Variants in HIVEP3 observed in about 807,000 individuals in gnomAD.
The protein encoded by HIVEP3 is transcription factor HIVEP3.
Under a neutral mutation model 152.8 loss-of-function variants are expected in HIVEP3, and 49 were observed. The observed-to-expected ratio is 0.32, with a 90% CI of 0.26 to 0.41. The LOEUF (loss-of-function observed/expected upper bound fraction) is 0.41, where lower values mean the gene tolerates loss of function less well. Among genes scored for constraint, HIVEP3 ranks in the 10% least tolerant of loss-of-function variants. HIVEP3 has a pLI of 1.00. For missense variants in HIVEP3, 2,790 were observed against 3,103.3 expected, an observed-to-expected ratio of 0.90 and a Z score of 2.40; for synonymous variants, 1,269 against 1,289.0, an observed-to-expected ratio of 0.98 and a Z score of 0.33.
chr1:41,852,804 C>A (rs753591324), intron 1 of HIVEP3, among the ~76,000 whole-genome samples: 1 of 152,222 alleles, frequency 6.6e-6, no homozygotes, highest in African/African-American at 2.4e-5. Context: ...ACCTTAATGA[C>A]AAGTCTCATG....
At chr1:42,029,376 C>T (rs867887509) in intron 1 of HIVEP3, among the ~76,000 whole-genome samples, 27 of 152,174 alleles carry the variant, frequency 1.8e-4, no homozygotes, top group Admixed American at 9.8e-4. Context: ...AACAAAACCT[C>T]AGTATTACCT....
chr1:41,985,429 T>C (rs1645316622), intron 1 of HIVEP3, among the ~76,000 whole-genome samples: 1 of 152,186 alleles, frequency 6.6e-6, no homozygotes, highest in African/African-American at 2.4e-5. Flanking sequence ...AGATCCAGCA[T>C]CTGGTGAGGG....
At chr1:42,030,413 T>A (rs748947759) in intron 1 of HIVEP3, among the ~76,000 whole-genome samples, 1 of 152,130 alleles carries the variant, frequency 6.6e-6, no homozygotes, top group Non-Finnish European at 1.5e-5. Flanking sequence ...AAAGGAAACA[T>A]GAAAACTATG....
chr1:41,983,037 T>C (rs1424190959), intron 1 of HIVEP3, among the ~76,000 whole-genome samples: 1 of 152,060 alleles, frequency 6.6e-6, no homozygotes, highest in Non-Finnish European at 1.5e-5. Flanking sequence ...TCAAAAGGAG[T>C]GTGCAACCTA....
intron 2 of HIVEP3, among the ~76,000 whole-genome samples, chr1:41,631,353 T>G (rs1232342139): frequency 1.3e-5 from 2 of 152,182 alleles, no homozygotes; most frequent in South Asian, 4.1e-4. Flanking sequence ...GGCCCGTACT[T>G]TAATGAGTCC....
intron 1 of HIVEP3, among the ~76,000 whole-genome samples, chr1:41,727,013 C>T (rs1439073661): frequency 3.3e-5 from 5 of 152,160 alleles, no homozygotes; most frequent in African/African-American, 1.2e-4. Flanking sequence ...TTTGGTGTCT[C>T]AGCGCGGGAG....
At chr1:41,717,103 G>A (rs1646606386) in intron 1 of HIVEP3, among the ~76,000 whole-genome samples, 1 of 152,172 alleles carries the variant, frequency 6.6e-6, no homozygotes, top group South Asian at 2.1e-4. Flanking sequence ...CATGGTGAAG[G>A]CACCCAGAGT....
intron 1 of HIVEP3, among the ~76,000 whole-genome samples, chr1:41,847,018 T>A (rs1192351010): frequency 6.6e-6 from 1 of 152,220 alleles, no homozygotes; most frequent in Admixed American, 6.5e-5. Flanking sequence ...TGTGGCTATA[T>A]AAAGGCATCC....
At chr1:41,727,910 C>T (rs192683964) in intron 1 of HIVEP3, among the ~76,000 whole-genome samples, 7 of 152,334 alleles carry the variant, frequency 4.6e-5, no homozygotes, top group Admixed American at 4.6e-4. Flanking sequence ...GGAAGGATCT[C>T]CTGAGCAAAT....
intron 1 of HIVEP3, among the ~76,000 whole-genome samples, chr1:41,910,744 T>A (rs1002154594): frequency 6.6e-6 from 1 of 151,952 alleles, no homozygotes; most frequent in African/African-American, 2.4e-5. Context: ...AAAAAAATTA[T>A]ATAAATCTCA....
chr1:42,015,038 C>T (rs1570892857), intron 1 of HIVEP3, among the ~76,000 whole-genome samples: 1 of 152,078 alleles, frequency 6.6e-6, no homozygotes, highest in African/African-American at 2.4e-5. Flanking sequence ...GGTCAGCAGC[C>T]CTGTGGAGAG....
intron 1 of HIVEP3, chr1:41,847,901 C>T (rs1643486955): frequency 6.6e-6 from 1 of 152,526 alleles, no homozygotes; most frequent in African/African-American, 2.4e-5. Flanking sequence ...AGGAGCTGAC[C>T]AGGAGACACA....
intron 1 of HIVEP3, among the ~76,000 whole-genome samples, chr1:41,733,015 C>A (rs1646864341): frequency 1.3e-5 from 2 of 152,158 alleles, no homozygotes; most frequent in South Asian, 4.1e-4. Flanking sequence ...AATAAATAAA[C>A]CAGCAGATGC....
rs149878895 is a variant in HIVEP3, at chr1:41,770,692, G to A, written c.-800-69697C>T. 1.6e-3 allele frequency among the ~76,000 whole-genome samples: 247 copies of A among 152,164 alleles called. 3 individuals are homozygous for A. The highest frequency in any genetic ancestry group is 7.7e-3 in the East Asian group (40 of 5,184). On this transcript the variant is annotated intron_variant, in intron 1 of 8. Transcript: ENST00000372583. ...GGAATGAACATTCTATAGTATGCCC[G>A]ATCAGTATGTTCCAAAAGTGTCAAG...
chr1:41,737,210 G>T lies in HIVEP3; in HGVS notation c.-800-36215C>A, dbSNP rs558611218. On this transcript the variant is annotated intron_variant, in intron 1 of 8. Transcript: ENST00000372583. Reference sequence around the variant, plus strand: ...CGTGGGCTCAGAAAAGCTGCTTAACGTATCTCAGCCTGGTTTCCTCATCTG... The same window carrying T: ...CGTGGGCTCAGAAAAGCTGCTTAACTTATCTCAGCCTGGTTTCCTCATCTG... 1.6e-4 allele frequency among the ~76,000 whole-genome samples: 24 copies of T among 152,268 alleles called. 1 individual carries two copies. The highest frequency in any genetic ancestry group is 1.2e-3 in the Admixed American group (19 of 15,302).
At chr1:42,008,160 C>T (rs563543710) in intron 1 of HIVEP3, among the ~76,000 whole-genome samples, 16 of 152,150 alleles carry the variant, frequency 1.1e-4, no homozygotes, top group African/African-American at 3.9e-4. Context: ...TGTACAGAAC[C>T]AAGAAGTCTG....
At chr1:41,547,173 A>C (rs951778767) in intron 5 of HIVEP3, among the ~76,000 whole-genome samples, 3 of 152,212 alleles carry the variant, frequency 2.0e-5, no homozygotes, top group Non-Finnish European at 4.4e-5. Flanking sequence ...ACTGAAGATC[A>C]TCCTGCCCAG....
chr1:41,998,195 T>C (rs72672709), intron 1 of HIVEP3, among the ~76,000 whole-genome samples: 4,309 of 152,246 alleles, frequency 0.028, 174 homozygotes, highest in African/African-American at 0.095. Flanking sequence ...GGAAAGCCAA[T>C]ATACTATAAA....
chr1:41,718,843 C>A (rs1446342377), intron 1 of HIVEP3, among the ~76,000 whole-genome samples: 1 of 152,132 alleles, frequency 6.6e-6, no homozygotes. Flanking sequence ...AGCCATAAGA[C>A]CTTGACCCAG....
Sources: allele counts gnomAD v4.1 joint callset (sites outside exome capture counted in the v4.1 genomes callset), GRCh38; gene constraint gnomAD v4.1.1; transcripts MANE v1.5; gene names NCBI Gene and HGNC (gene_info 2026-07-23, HGNC 2026-07-21).